Variants in FAM228B observed in about 807,000 individuals in gnomAD.
FAM228B encodes the protein protein FAM228B.
Under a neutral mutation model 42.6 loss-of-function variants are expected in FAM228B, and 38 were observed. The ratio of observed to expected loss-of-function variants is 0.89; its 90% CI spans 0.69 to 1.17. The LOEUF is 1.17. Among genes scored for constraint, FAM228B ranks in the 50% most tolerant of loss-of-function variants. The pLI is 0.00. For missense variants in FAM228B, 344 were observed against 367.3 expected, an observed-to-expected ratio of 0.94 and a Z score of 0.52; for synonymous variants, 109 against 122.3, an observed-to-expected ratio of 0.89 and a Z score of 0.72.
Position 24,138,641 on chromosome 2 carries a change from A to G in FAM228B, c.360+541A>G, listed in dbSNP as rs181048313. On this transcript the variant is annotated intron_variant, in intron 4 of 10. Transcript: ENST00000615575. Reference sequence around the variant, plus strand: ...TGAGCTACTGTGCCCAGCCCTCCCCATGTAATTATTAATTTTAATTATCAA... The same window carrying G: ...TGAGCTACTGTGCCCAGCCCTCCCCGTGTAATTATTAATTTTAATTATCAA... Among the ~76,000 whole-genome samples, 27 of 147,782 alleles carry G rather than the reference A, an allele frequency of 1.8e-4. No individual in the cohort carries two copies. In the East Asian group the frequency reaches 5.3e-3, roughly 29 times the overall value.
intron 2 of FAM228B, chr2:24,087,519 T>C (rs1470769920): frequency 6.6e-6 from 1 of 152,068 alleles, no homozygotes; most frequent in Non-Finnish European, 1.5e-5. Context: ...TGACTTAGGG[T>C]GGGGGCCCTA....
chr2:24,101,958 A>G (rs1573737835), intron 3 of FAM228B, among the ~76,000 whole-genome samples: 1 of 152,314 alleles, frequency 6.6e-6, no homozygotes, highest in Middle Eastern at 3.4e-3. Flanking sequence ...CTGGGATTAC[A>G]GGCGTGAGCT....
At position 24,137,321 on chromosome 2, in the gene FAM228B, T is replaced by G. The variant is rs142051731; in HGVS notation, c.169-588T>G. Among the ~76,000 whole-genome samples, 12 of 152,314 alleles carry G rather than the reference T, an allele frequency of 7.9e-5. No homozygotes were observed. In the East Asian group the frequency reaches 2.1e-3, roughly 27 times the overall value. On this transcript the variant is annotated intron_variant, in intron 3 of 10. Transcript: ENST00000615575. ...GTAGGAGTGGAATTGTTGGGTCTTA[T>G]GGTAGGTCTGTTTAAATTTCTGAGG...
chr2:24,076,922 G>A (rs1664775470), exon 1 of FAM228B: 1 of 163,946 alleles, frequency 6.1e-6, no homozygotes, highest in African/African-American at 2.5e-5. Flanking sequence ...CAGGTGAGTA[G>A]CGGGCGAAGG....
At chr2:24,134,316 T>G (rs1016086246) in intron 2 of FAM228B, among the ~76,000 whole-genome samples, 2 of 152,172 alleles carry the variant, frequency 1.3e-5, no homozygotes, top group African/African-American at 4.8e-5. Flanking sequence ...TCTAAGACCT[T>G]GTATTATTGT....
intron 5 of FAM228B, among the ~76,000 whole-genome samples, chr2:24,140,322 G>T (rs930105720): frequency 5.3e-5 from 8 of 152,086 alleles, no homozygotes; most frequent in Non-Finnish European, 1.2e-4. Context: ...GATTACAGGC[G>T]TGTGCCATCA....
intron 2 of FAM228B, among the ~76,000 whole-genome samples, chr2:24,091,084 T>A (rs1325130047): frequency 6.6e-6 from 1 of 152,184 alleles, no homozygotes; most frequent in Non-Finnish European, 1.5e-5. Context: ...AGGTAATTGA[T>A]AATAAATACT....
At chr2:24,161,421 C>T in intron 7 of FAM228B, 85 bp from the exon 8 acceptor site, 1 of 813,222 alleles carries the variant, frequency 1.2e-6, no homozygotes, top group Non-Finnish European at 2.0e-6. Context: ...CACTGCACCA[C>T]AGCCTGAGCA....
rs1664935974 is a variant in FAM228B at position 24,080,159 on chromosome 2, C to T, written c.-289-717C>T. On this transcript the variant is annotated intron_variant, in intron 1 of 10. Transcript: ENST00000613899. The surrounding 1 kb of genome is among the most constrained non-coding windows in gnomAD (Gnocchi z 4.7). ...ATCACCTGAGGTCAGGAGTTCGAGA[C>T]CAGCCTGGCCAACATAGTGAAAGCC... 6.6e-6 allele frequency among the ~76,000 whole-genome samples: 1 copy of T among 152,052 alleles called. No homozygotes were observed. Among genetic ancestry groups the T allele is most frequent in the African/African-American group, 2.4e-5 (1 of 41,396 alleles).
chr2:24,101,286 A>AT (rs753146041), intron 3 of FAM228B, among the ~76,000 whole-genome samples: 1 of 152,004 alleles, frequency 6.6e-6, no homozygotes, highest in Non-Finnish European at 1.5e-5. Context: ...TTACAACCTT[A>AT]TTTTTCTTCT....
intron 2 of FAM228B, among the ~76,000 whole-genome samples, chr2:24,091,209 G>T (rs905273799): frequency 6.6e-6 from 1 of 152,120 alleles, no homozygotes; most frequent in Non-Finnish European, 1.5e-5. Context: ...TTTGGGAGGC[G>T]GATGACGAGG....
chr2:24,143,677 C>T lies in FAM228B; in HGVS notation c.442-3071C>T, dbSNP rs1024388080. Among the ~76,000 whole-genome samples, 11 of 151,912 alleles carry T rather than the reference C, an allele frequency of 7.2e-5. No homozygotes were observed. The East Asian group carries it at 2.1e-3, about 29-fold the overall frequency. On this transcript the variant is annotated intron_variant, in intron 5 of 10. Coordinates refer to ENST00000615575, the MANE Select transcript of FAM228B (RefSeq NM_001145710.2). ...TGTTACTCTTCTCATTTTTTTGTTT[C>T]AGGAAATAGAGTTATTTTTCATAGA...
At chr2:24,150,482 T>G (rs1666999808) in intron 7 of FAM228B, among the ~76,000 whole-genome samples, 1 of 152,138 alleles carries the variant, frequency 6.6e-6, no homozygotes, top group Non-Finnish European at 1.5e-5. Context: ...TGGAGTGCAG[T>G]GGCATAATCT....
At chr2:24,147,916 C>CTTTTTTTTTTTTTTTTTTTGT (rs34823316) in intron 7 of FAM228B, among the ~76,000 whole-genome samples, 1 of 119,198 alleles carries the variant, frequency 8.4e-6, no homozygotes, top group Non-Finnish European at 1.8e-5. Flanking sequence ...TTTGCCTTGC[C>CTTTTTTTTTTTTTTTTTTTGT]TTTTTTTTTT....
At chr2:24,167,096 A>G (rs1667437277) in intron 9 of FAM228B, among the ~76,000 whole-genome samples, 1 of 152,206 alleles carries the variant, frequency 6.6e-6, no homozygotes, top group African/African-American at 2.4e-5. Context: ...ATATCTAATC[A>G]GCATTGTACA....
chr2:24,116,061 G>A (rs1300700007), intron 3 of FAM228B, among the ~76,000 whole-genome samples: 1 of 152,128 alleles, frequency 6.6e-6, no homozygotes, highest in African/African-American at 2.4e-5. Context: ...AAGTGTGGTG[G>A]CTCATATCTG....
chr2:24,113,562 CCT>C (rs1188001074), intron 3 of FAM228B, among the ~76,000 whole-genome samples: 3 of 152,082 alleles, frequency 2.0e-5, no homozygotes, highest in East Asian at 1.9e-4. Flanking sequence ...GGAGTGAGAC[CCT>C]GTTTCAAAAC....
intron 2 of FAM228B, among the ~76,000 whole-genome samples, chr2:24,133,141 T>C (rs1481275709): frequency 6.6e-6 from 1 of 152,194 alleles, no homozygotes; most frequent in African/African-American, 2.4e-5. Flanking sequence ...AGGCCCTTTC[T>C]CAGGCAAGTT....
chr2:24,155,504 C>CATATAT (rs1156603467), intron 7 of FAM228B, among the ~76,000 whole-genome samples: 8 of 35,912 alleles, frequency 2.2e-4, no homozygotes, highest in African/African-American at 4.0e-4. Flanking sequence ...GAAGACCATG[C>CATATAT]ATATATATAT....
Sources: gnomAD v4.1 joint callset for allele counts (sites outside exome capture counted in the v4.1 genomes callset) on GRCh38, gnomAD v4.1.1 for gene constraint, Gnocchi (gnomAD v3.1) non-coding constraint, MANE v1.5 for transcripts, NCBI Gene and HGNC (gene_info 2026-07-23, HGNC 2026-07-21) for gene names.